The following TAFA5 variants were observed in gnomAD, a reference collection of about 807,000 sequenced individuals.
TAFA5 encodes TAFA chemokine like family member 5, also known as chemokine-like protein TAFA-5.
Under a neutral mutation model 15.3 loss-of-function variants are expected in TAFA5, and 6 were observed. The ratio of observed to expected loss-of-function variants is 0.39; its 90% CI spans 0.21 to 0.77. TAFA5 has a LOEUF of 0.77. Ranked by LOEUF, TAFA5 falls within the 30% of genes least tolerant of loss-of-function variation. TAFA5 has a pLI of 0.41. For synonymous variants in TAFA5, 103 were observed against 80.7 expected, an observed-to-expected ratio of 1.28 and a Z score of -1.48; for missense variants, 161 against 193.1, an observed-to-expected ratio of 0.83 and a Z score of 0.98.
chr22:48,508,390 C>CA (rs1211509758), intron 1 of TAFA5, among the ~76,000 whole-genome samples: 1 of 152,188 alleles, frequency 6.6e-6, no homozygotes, highest in Non-Finnish European at 1.5e-5. Flanking sequence ...GCTGTGCCTG[C>CA]AAAGTGTTGG....
At chr22:48,501,710 A>C (rs1920953000) in intron 1 of TAFA5, among the ~76,000 whole-genome samples, 1 of 152,188 alleles carries the variant, frequency 6.6e-6, no homozygotes, top group African/African-American at 2.4e-5. Flanking sequence ...GTGTACCAGC[A>C]TCTCCTTTCC....
At chr22:48,622,727 C>T (rs556585220) in intron 1 of TAFA5, among the ~76,000 whole-genome samples, 6 of 152,328 alleles carry the variant, frequency 3.9e-5, no homozygotes, top group East Asian at 3.9e-4. Flanking sequence ...GAGGTGGTAT[C>T]GATGCGGGAC....
At chr22:48,610,183 C>T (rs762319231) in intron 1 of TAFA5, among the ~76,000 whole-genome samples, 4 of 152,120 alleles carry the variant, frequency 2.6e-5, no homozygotes, top group South Asian at 2.1e-4. Context: ...GAGGCCTTCC[C>T]GTGGCCCCCG....
intron 1 of TAFA5, among the ~76,000 whole-genome samples, chr22:48,585,721 C>T (rs1006308004): frequency 1.3e-5 from 2 of 151,608 alleles, no homozygotes; most frequent in East Asian, 1.9e-4. Context: ...ATACCACACA[C>T]AACACACACA....
intron 1 of TAFA5, among the ~76,000 whole-genome samples, chr22:48,535,470 C>T (rs144190377): frequency 1.3e-5 from 2 of 152,384 alleles, no homozygotes; most frequent in East Asian, 3.9e-4. Context: ...TTGCTATACG[C>T]ATATGTGTAG....
At chr22:48,608,088 C>G (rs987733666) in intron 1 of TAFA5, among the ~76,000 whole-genome samples, 1 of 151,488 alleles carries the variant, frequency 6.6e-6, no homozygotes, top group Non-Finnish European at 1.5e-5. Flanking sequence ...GCCCCTCCCA[C>G]GGCCCCAGGC....
At position 48,562,555 on chromosome 22, in the gene TAFA5, C is replaced by T. The variant is rs371242802; in HGVS notation, c.112+72851C>T. On this transcript the variant is annotated intron_variant, in intron 1 of 3. Transcript: ENST00000402357. Reference sequence around the variant, plus strand: ...CCCCGTATCAGCAGCAAGCCCAGTCCTCCCCACCAGGGTGAGCATCTAGGG... The same window carrying T: ...CCCCGTATCAGCAGCAAGCCCAGTCTTCCCCACCAGGGTGAGCATCTAGGG... Among the ~76,000 whole-genome samples the T allele has an allele frequency of 1.2e-4, 19 of 152,268 alleles. No individual in the cohort carries two copies. In the East Asian group the frequency reaches 3.7e-3, roughly 29 times the overall value.
At chr22:48,734,722 C>T (rs1929959746) in intron 3 of TAFA5, among the ~76,000 whole-genome samples, 1 of 152,260 alleles carries the variant, frequency 6.6e-6, no homozygotes, top group Non-Finnish European at 1.5e-5. Context: ...GCCAAGTGAA[C>T]AGCCCCGTCC....
At chr22:48,708,628 A>C (rs1387866938) in intron 3 of TAFA5, among the ~76,000 whole-genome samples, 65 of 152,124 alleles carry the variant, frequency 4.3e-4, no homozygotes, top group Admixed American at 4.3e-3. Context: ...AGCGAGTGGC[A>C]CCCCCTCATC....
In TAFA5 at chr22:48,631,068, C is replaced by T. The variant is rs181339810; in HGVS notation, c.113-15529C>T. ...TCTGGAGGGGGTGTGGCTCCCCGCC[C>T]TGTCCTTTCTAAGGACGGACCTCCT... On this transcript the variant is annotated intron_variant, in intron 1 of 3. Transcript: ENST00000402357. 4.8e-3 allele frequency among the ~76,000 whole-genome samples: 735 copies of T among 152,308 alleles called. 6 individuals are homozygous for T. The highest frequency in any genetic ancestry group is 0.017 in the African/African-American group (699 of 41,572).
chr22:48,638,716 C>G (rs1276902633), intron 1 of TAFA5, among the ~76,000 whole-genome samples: 2 of 141,882 alleles, frequency 1.4e-5, no homozygotes, highest in African/African-American at 5.5e-5. Context: ...ACACTGCACA[C>G]AGGGGGGACC....
intron 3 of TAFA5, among the ~76,000 whole-genome samples, chr22:48,729,349 T>TA (rs1326517677): frequency 2.1e-4 from 3 of 14,244 alleles, no homozygotes; most frequent in Admixed American, 6.4e-4. Flanking sequence ...ATATATATTT[T>TA]TATATTAGTA....
At chr22:48,572,280 T>TCACCTCTA in intron 1 of TAFA5, among the ~76,000 whole-genome samples, 1 of 152,270 alleles carries the variant, frequency 6.6e-6, no homozygotes, top group South Asian at 2.1e-4. Flanking sequence ...TCAGTGTGAA[T>TCACCTCTA]CACCTCTACC....
chr22:48,690,111 T>A (rs34046584), intron 2 of TAFA5, among the ~76,000 whole-genome samples: 2 of 151,894 alleles, frequency 1.3e-5, no homozygotes, highest in Non-Finnish European at 2.9e-5. Context: ...GCCAGGGGCC[T>A]GTGCTCCCCC....
chr22:48,587,125 C>T (rs920376631), intron 1 of TAFA5, among the ~76,000 whole-genome samples: 4 of 152,224 alleles, frequency 2.6e-5, no homozygotes, highest in Admixed American at 1.3e-4. Context: ...GTGTGGAAGC[C>T]GTCGTCAGCT....
Position 48,581,961 on chromosome 22 carries a change from A to G in TAFA5, c.113-64636A>G, listed in dbSNP as rs1381939602. ...GCAGACAGAAAACATGGAGCGAAGC[A>G]CGCAGCTGTGGGTCTGCGTGGAACA... is the stretch of plus-strand genomic sequence containing the variant. On this transcript the variant is annotated intron_variant, in intron 1 of 3. Transcript: ENST00000402357. Among the ~76,000 whole-genome samples the G allele has an allele frequency of 6.6e-5, 10 of 152,152 alleles. No homozygotes were observed. The East Asian group carries it at 1.9e-3, about 29-fold the overall frequency.
At chr22:48,650,271 C>T (rs1927006976) in intron 2 of TAFA5, among the ~76,000 whole-genome samples, 1 of 152,200 alleles carries the variant, frequency 6.6e-6, no homozygotes, top group African/African-American at 2.4e-5. Flanking sequence ...CGGAGCAAGC[C>T]TGACTGTGCT....
chr22:48,737,585 A>G (rs983636102), intron 3 of TAFA5, among the ~76,000 whole-genome samples: 3 of 151,440 alleles, frequency 2.0e-5, no homozygotes, highest in African/African-American at 7.2e-5. Flanking sequence ...GCACAGGGAC[A>G]GAGCTTCAGA....
intron 3 of TAFA5, among the ~76,000 whole-genome samples, chr22:48,737,534 GGCTGGGAGAGGGCACCGCACACTGT>G (rs1394688731): frequency 6.6e-6 from 1 of 152,204 alleles, no homozygotes; most frequent in Non-Finnish European, 1.5e-5. Flanking sequence ...CTTCTCCTGG[GGCTGGGAGAGGGCACCGCACACTGT>G]GCTGGGTGAG....
Sources: allele counts gnomAD v4.1 joint callset (sites outside exome capture counted in the v4.1 genomes callset), GRCh38; gene constraint gnomAD v4.1.1; transcripts MANE v1.5; gene names NCBI Gene and HGNC (gene_info 2026-07-23, HGNC 2026-07-21).